The following PHACTR4 variants were observed in gnomAD, a reference collection of about 807,000 sequenced individuals.
PHACTR4 encodes protein phosphatase 1, regulatory subunit 124.
Under a neutral mutation model 72.7 loss-of-function variants are expected in PHACTR4, and 51 were observed. The observed-to-expected ratio is 0.70, with a 90% CI of 0.56 to 0.89. The LOEUF (loss-of-function observed/expected upper bound fraction) is 0.89. Ranked by LOEUF, PHACTR4 falls within the 40% of genes least tolerant of loss-of-function variation. PHACTR4 has a pLI of 0.00. For synonymous variants in PHACTR4, 255 were observed against 302.5 expected (o/e 0.84, Z 1.63); for missense variants, 731 against 861.8 (o/e 0.85, Z 1.90).
At chr1:28,448,674 A>G (rs1657669984) in intron 2 of PHACTR4, among the ~76,000 whole-genome samples, 1 of 136,744 alleles carries the variant, frequency 7.3e-6, no homozygotes, top group Non-Finnish European at 1.5e-5. Context: ...AGGCAGGAGA[A>G]TGGCGTGAAC....
At chr1:28,472,063 A>G (rs576414751) in intron 6 of PHACTR4, among the ~76,000 whole-genome samples, 5 of 152,146 alleles carry the variant, frequency 3.3e-5, no homozygotes, top group Non-Finnish European at 1.5e-5. Context: ...TACACAAAAA[A>G]TTAGCCGGGA....
intron 2 of PHACTR4, among the ~76,000 whole-genome samples, chr1:28,430,606 C>A (rs1656191400): frequency 6.6e-6 from 1 of 152,128 alleles, no homozygotes; most frequent in Non-Finnish European, 1.5e-5. Context: ...GAAAATTAGT[C>A]TTTGATGTGA....
chr1:28,462,443 C>T (rs1306153541), intron 4 of PHACTR4, among the ~76,000 whole-genome samples: 3 of 152,092 alleles, frequency 2.0e-5, no homozygotes, highest in Middle Eastern at 3.2e-3. Context: ...CCTACACTCA[C>T]GGCAACCTCT....
chr1:28,461,967 G>T (rs537101830), intron 4 of PHACTR4, among the ~76,000 whole-genome samples: 1 of 150,830 alleles, frequency 6.6e-6, no homozygotes, highest in South Asian at 2.1e-4. Context: ...AGGTAGTTAC[G>T]TACTACTTTA....
chr1:28,382,807 A>G (rs527415204), intron 1 of PHACTR4, among the ~76,000 whole-genome samples: 1 of 149,808 alleles, frequency 6.7e-6, no homozygotes, highest in East Asian at 2.0e-4. Flanking sequence ...TAATTTATTT[A>G]TTTTTAGACA....
At chr1:28,490,826 A>G in intron 10 of PHACTR4, 125 bp from the exon 11 acceptor site, 1 of 968,246 alleles carries the variant, frequency 1.0e-6, no homozygotes, top group Non-Finnish European at 1.5e-6. Context: ...CTGGGCAACA[A>G]GAGCAAAACT....
rs201435138 is a variant in PHACTR4 at position 28,473,725 on chromosome 1, C to G, written c.995C>G (p.Ser332Trp). 8.1e-6 allele frequency: 13 copies of G among 1,613,956 alleles called. No homozygotes were observed. The highest frequency in any genetic ancestry group is 1.1e-5 in the Non-Finnish European group (13 of 1,180,016). Reference protein sequence around the residue: ...EREKSTCSMGSELLPMISPRS... With the variant: ...EREKSTCSMGWELLPMISPRS... ...GAGAAGAGCACGTGTTCTATGGGCT[C>G]GGAACTACTACCAATGATCTCACCT... Residue 332 changes from serine (S) to tryptophan (W), a missense_variant, in exon 7 of 14, where the codon TCG becomes TGG. This residue lies in a region of PHACTR4 where 621 missense variants were observed against 676.6 expected (regional missense o/e 0.92). Transcript: ENST00000373839.
intron 8 of PHACTR4, among the ~76,000 whole-genome samples, chr1:28,478,330 T>C (rs974354887): frequency 6.6e-6 from 1 of 152,150 alleles, no homozygotes; most frequent in Non-Finnish European, 1.5e-5. Flanking sequence ...ATTCCATATC[T>C]TGGGGATTAT....
At chr1:28,453,544 C>T (rs1658134128) in intron 2 of PHACTR4, 4 of 641,860 alleles carry the variant, frequency 6.2e-6, no homozygotes, top group East Asian at 2.7e-5. Context: ...GGGGAAATGG[C>T]GGCTTCACGA....
chr1:28,424,858 A>G (rs1445334162), intron 2 of PHACTR4, among the ~76,000 whole-genome samples: 1 of 151,452 alleles, frequency 6.6e-6, no homozygotes, highest in Non-Finnish European at 1.5e-5. Context: ...CAGTGGTGCA[A>G]TCTAGGCTCA....
At chr1:28,466,314 G>C in intron 5 of PHACTR4, 68 bp from the exon 6 acceptor site, 1 of 1,498,378 alleles carries the variant, frequency 6.7e-7, no homozygotes, top group South Asian at 1.3e-5. Context: ...ATTCATAGAT[G>C]TGTTAGCTTT....
At chr1:28,415,625 A>G (rs1655058678) in intron 2 of PHACTR4, among the ~76,000 whole-genome samples, 2 of 152,208 alleles carry the variant, frequency 1.3e-5, no homozygotes, top group Admixed American at 6.5e-5. Flanking sequence ...ATACTTCATT[A>G]AGTTTCTATA....
intron 1 of PHACTR4, among the ~76,000 whole-genome samples, chr1:28,383,261 C>T (rs1013235314): frequency 2.6e-5 from 4 of 151,966 alleles, no homozygotes; most frequent in Non-Finnish European, 4.4e-5. Flanking sequence ...GTTACTGTAG[C>T]CCTGTGGTAT....
chr1:28,473,580 G>A lies in PHACTR4; in HGVS notation c.850G>A (p.Gly284Ser). Reference sequence around the variant, plus strand: ...TGAACTGTCCCAAGCAATAAACAGTGGTACATTGTTATCAAAACCGTCCCC... The same window carrying A: ...TGAACTGTCCCAAGCAATAAACAGTAGTACATTGTTATCAAAACCGTCCCC... ...IAELSQAINSGTLLSKPSPPL... is the reference protein window; with the variant it reads ...IAELSQAINSSTLLSKPSPPL... Residue 284 changes from glycine to serine, a missense_variant, in exon 7 of 14, where the codon GGT becomes AGT. Transcript: ENST00000373839. 1 of 1,612,130 alleles carries A rather than the reference G, an allele frequency of 6.2e-7. No individual in the cohort carries two copies. Among genetic ancestry groups the A allele is most frequent in the Non-Finnish European group, 8.5e-7 (1 of 1,178,564 alleles).
intron 2 of PHACTR4, chr1:28,457,280 C>T (rs1400381162): frequency 4.5e-6 from 2 of 444,478 alleles, no homozygotes; most frequent in South Asian, 1.6e-5. Context: ...TATATTTTCT[C>T]TTTTGAAAAT....
intron 1 of PHACTR4, among the ~76,000 whole-genome samples, chr1:28,404,332 G>A (rs1183800369): frequency 7.0e-6 from 1 of 142,870 alleles, no homozygotes; most frequent in Non-Finnish European, 1.5e-5. Flanking sequence ...ACCCAGACTG[G>A]AGTGCAGTGG....
chr1:28,456,606 C>T (rs893986194), intron 2 of PHACTR4, among the ~76,000 whole-genome samples: 2 of 151,844 alleles, frequency 1.3e-5, no homozygotes, highest in Admixed American at 1.3e-4. Context: ...TGGGACTAGG[C>T]ACATGGCACC....
chr1:28,438,376 A>C (rs1656768134), intron 2 of PHACTR4: 1 of 1,611,694 alleles, frequency 6.2e-7, no homozygotes, highest in Non-Finnish European at 8.5e-7. Context: ...TACATCAGAC[A>C]ATATAATCAT....
At chr1:28,419,156 G>T (rs1412418837) in intron 2 of PHACTR4, among the ~76,000 whole-genome samples, 2 of 150,142 alleles carry the variant, frequency 1.3e-5, no homozygotes, top group Non-Finnish European at 3.0e-5. Flanking sequence ...TAATTTTTTT[G>T]TATTTTTAGT....
Sources: allele counts gnomAD v4.1 joint callset (sites outside exome capture counted in the v4.1 genomes callset), GRCh38; gene constraint gnomAD v4.1.1; regional missense constraint gnomAD v4.1.1; transcripts MANE v1.5; gene names NCBI Gene and HGNC (gene_info 2026-07-23, HGNC 2026-07-21).